Variants in FBXL6 observed in about 807,000 individuals in gnomAD.
FBXL6 encodes the protein F-box and leucine rich repeat protein 6, also known as F-box/LRR-repeat protein 6.
In FBXL6, 50 loss-of-function variants were observed where a neutral mutation model predicts 53.3. The observed-to-expected ratio is 0.94, with a 90% CI of 0.75 to 1.19. The LOEUF (loss-of-function observed/expected upper bound fraction) is 1.19, where lower values mean the gene tolerates loss of function less well. Ranked by LOEUF, FBXL6 falls within the 50% of genes most tolerant of loss-of-function variation. The pLI, the probability that FBXL6 is intolerant of heterozygous loss-of-function variation, is 0.00. For synonymous variants in FBXL6, 405 were observed against 322.9 expected, an observed-to-expected ratio of 1.25 and a Z score of -2.73; for missense variants, 815 against 719.0, an observed-to-expected ratio of 1.13 and a Z score of -1.53.
intron 8 of FBXL6, 35 bp downstream of exon 8, chr8:144,355,933 C>A: frequency 6.2e-7 from 1 of 1,607,198 alleles, no homozygotes; most frequent in East Asian, 2.2e-5. Flanking sequence ...GTGACAGCCA[C>A]ACTGGCTCCA....
At chr8:144,355,707 G>A (rs1554852601) in intron 8 of FBXL6, 29 bp from the exon 9 acceptor site, 2 of 1,607,528 alleles carry the variant, frequency 1.2e-6, no homozygotes, top group Non-Finnish European at 1.7e-6. Flanking sequence ...ACAGGAAGTT[G>A]AGCTGTTGCC....
intron 3 of FBXL6, 111 bp downstream of exon 3, chr8:144,357,328 G>A: frequency 7.7e-7 from 1 of 1,301,368 alleles, no homozygotes. Flanking sequence ...CAGGCAGGCA[G>A]ACATCCCCAC....
At position 144,356,637 on chromosome 8, in the gene FBXL6, G is replaced by A. The variant is rs144091239; in HGVS notation, c.956C>T (p.Pro319Leu). ...INRNSIPLQL[P>L]VEALQKGCPQ... ...GCAGCCTTTCTGCAGAGCCTCGACA[G>A]GCAGCTGAAGGGGAATGCTATTACG... The change falls in exon 6 of 9, where the codon CCT becomes CTT. Residue 319 changes from proline to leucine, a missense_variant. Transcript: ENST00000331890. 11 of 1,612,952 alleles carry A rather than the reference G, an allele frequency of 6.8e-6. No homozygotes were observed. The highest frequency in any genetic ancestry group is 1.3e-5 in the African/African-American group (1 of 74,918).
chr8:144,357,809 G>C, intron 1 of FBXL6, 23 bp from the exon 2 acceptor site: 2 of 1,501,794 alleles, frequency 1.3e-6, no homozygotes, highest in Non-Finnish European at 1.8e-6. Context: ...CGTGCTGAGG[G>C]TGCCGGCCCC....
At chr8:144,355,874 G>T (rs1055579892) in intron 8 of FBXL6, 94 bp downstream of exon 8, 3 of 1,571,386 alleles carry the variant, frequency 1.9e-6, no homozygotes. Context: ...CTGACCCCTG[G>T]AGGTCTCAGG....
chr8:144,357,106 A>G lies in FBXL6; in HGVS notation c.655T>C (p.Cys219Arg), dbSNP rs782189197. The change falls in exon 4 of 9, where the codon TGT becomes CGT. Residue 219 changes from cysteine (C) to arginine (R), a missense_variant. By Grantham distance (180) the Cys-to-Arg change is radical (BLOSUM62 -3). Coordinates refer to ENST00000331890, the MANE Select transcript of FBXL6 (RefSeq NM_012162.4). ...HPVLKLVGECCPRLTFLKLSG... is the reference protein window; with the variant it reads ...HPVLKLVGECRPRLTFLKLSG... ...AGCTTGAGGAAAGTGAGCCGAGGAC[A>G]GCACTCACCTACCAGCTGCGGGGAG... is the stretch of plus-strand genomic sequence containing the variant. The G allele has an allele frequency of 1.9e-6, 3 of 1,612,920 alleles. No individual in the cohort carries two copies. The highest frequency in any genetic ancestry group is 2.2e-5 in the South Asian group (2 of 91,080).
Position 144,358,042 on chromosome 8 carries a change from AGGGCATGG to A in FBXL6, c.398_405del (p.Pro133LeufsTer82). ...CGGCACCAGCGTTACCTGCCCAGGA[AGGGCATGG>A]GGCCGTCCGCCGCCACCAACAACCC... On this transcript the variant is annotated frameshift_variant, in exon 1 of 9. Transcript: ENST00000331890. LOFTEE classifies it high-confidence loss of function. 6.3e-7 allele frequency: 1 copy of A among 1,595,438 alleles called. No individual in the cohort carries two copies. Among genetic ancestry groups the A allele is most frequent in the Non-Finnish European group, 8.5e-7 (1 of 1,175,276 alleles).
rs530145500 is a variant in FBXL6 at position 144,357,221 on chromosome 8, T to G, written c.640-100A>C. On this transcript the variant is annotated intron_variant, in intron 3 of 8. Coordinates refer to ENST00000331890, the MANE Select transcript of FBXL6 (RefSeq NM_012162.4). ...TGGTGCCAACCCCACTCTACCGCCT[T>G]AGCTGTGACCTCCTTTCTGCCCATG... The G allele has an allele frequency of 4.7e-5, 71 of 1,502,110 alleles. No homozygotes were observed. In the African/African-American group the frequency reaches 6.9e-4, roughly 15 times the overall value. The allele number at this position is 1,502,110 out of a possible 1,614,324, so 93.0% of individuals were successfully genotyped here.
Position 144,355,618 on chromosome 8 carries a change from A to C in FBXL6, c.1533T>G (p.Leu511=). The change falls in exon 9 of 9, where the codon CTT becomes CTG. Residue 511 remains leucine, a synonymous_variant. Coordinates refer to ENST00000331890, the MANE Select transcript of FBXL6 (RefSeq NM_012162.4). ...GGTAGGCCCGCTTCAGACCCCGGGG[A>C]AGGCAGCGGCAGGACTCCAGGTTGA... The part of the protein sequence containing the change: ...LYLNLESCRC[L]PRGLKRAYRG... 6.2e-7 allele frequency: 1 copy of C among 1,611,194 alleles called. No homozygotes were observed. The highest frequency in any genetic ancestry group is 8.5e-7 in the Non-Finnish European group (1 of 1,179,932).
rs372489575 is a variant in FBXL6 at position 144,356,792 on chromosome 8, A to T, written c.879+16T>A. On this transcript the variant is annotated intron_variant, in intron 5 of 8. Coordinates refer to ENST00000331890, the MANE Select transcript of FBXL6 (RefSeq NM_012162.4). ...CAGCTCAGCATCTGCCTCTGCTCCCACCAATGCCAACTTACCAGCAGTGCG... is the reference window on the plus strand; with the variant it reads ...CAGCTCAGCATCTGCCTCTGCTCCCTCCAATGCCAACTTACCAGCAGTGCG... 5.0e-6 allele frequency: 8 copies of T among 1,613,094 alleles called. No individual in the cohort carries two copies. Among genetic ancestry groups the T allele is most frequent in the Non-Finnish European group, 5.9e-6 (7 of 1,179,916 alleles).
Position 144,358,463 on chromosome 8 carries a change from T to C in FBXL6, c.-16A>G. 1 of 1,236,610 alleles carries C rather than the reference T, an allele frequency of 8.1e-7. No homozygotes were observed. Among genetic ancestry groups the C allele is most frequent in the Non-Finnish European group, 1.0e-6 (1 of 990,294 alleles). The allele number at this position is 1,236,610 out of a possible 1,614,324, so 76.6% of individuals were successfully genotyped here. On this transcript the variant is annotated 5_prime_UTR_variant, in exon 1 of 9. Transcript: ENST00000331890. ...GGGCAGCCATGACCACCGACGGCGC[T>C]CGGGGAAGCCCCAGGGAGCGGAACG... is the stretch of plus-strand genomic sequence containing the variant.
chr8:144,357,824 T>C (rs1554853287), intron 1 of FBXL6, 38 bp from the exon 2 acceptor site: 6 of 1,469,654 alleles, frequency 4.1e-6, no homozygotes, highest in Non-Finnish European at 5.4e-6. Flanking sequence ...GGCCCCTCCG[T>C]AGGCGATGCC....
chr8:144,357,188 C>G, intron 3 of FBXL6, 67 bp from the exon 4 acceptor site: 6 of 1,597,896 alleles, frequency 3.8e-6, no homozygotes, highest in African/African-American at 1.3e-5. Context: ...GGGAAACAGA[C>G]AAGTGGCTGG....
intron 1 of FBXL6, 72 bp downstream of exon 1, chr8:144,357,960 G>C: frequency 6.7e-7 from 1 of 1,488,404 alleles, no homozygotes; most frequent in Non-Finnish European, 8.9e-7. Flanking sequence ...CTCCGCCCCC[G>C]CCCGGGCCAC....
At chr8:144,357,843 G>A (rs1183518982) in intron 1 of FBXL6, 57 bp from the exon 2 acceptor site, 1 of 1,454,788 alleles carries the variant, frequency 6.9e-7, no homozygotes, top group Non-Finnish European at 9.0e-7. Context: ...CCCCCCTCTC[G>A]CAGCGCAGTA....
rs1818362522 is a variant in FBXL6 at position 144,355,589 on chromosome 8, C to A, written c.1562G>T (p.Gly521Val). ...CAGACACCACTGGACTTCCTCCAGG[C>A]CCCGGTAGGCCCGCTTCAGACCCCG... ...LPRGLKRAYR[G>V]LEEVQWCLEQ... is the part of the protein sequence containing the mutation. The change falls in exon 9 of 9, where the codon GGC (glycine) becomes GTC (valine). Residue 521 changes from glycine to valine, a missense_variant. Transcript: ENST00000331890. 3.1e-6 allele frequency: 5 copies of A among 1,611,296 alleles called. No individual in the cohort carries two copies. The highest frequency in any genetic ancestry group is 4.2e-6 in the Non-Finnish European group (5 of 1,179,948).
rs782758799 is a variant in FBXL6, at chr8:144,357,667, T to C, written c.536A>G (p.Lys179Arg). 8 of 1,610,854 alleles carry C rather than the reference T, an allele frequency of 5.0e-6. No homozygotes were observed. The South Asian group carries it at 8.8e-5, about 18-fold the overall frequency. The change falls in exon 2 of 9, where the codon AAG (lysine) becomes AGG (arginine). Residue 179 changes from lysine to arginine, a missense_variant. Lys to Arg is a conservative substitution (Grantham distance 26). Coordinates refer to ENST00000331890, the MANE Select transcript of FBXL6 (RefSeq NM_012162.4). ...RPAKGGVKAE[K>R]KLLASLEWLM... ...CCACTCCAGGGAAGCAAGGAGCTTC[T>C]TCTCCGCCTTGACCCCGCCCTTGGC...
Position 144,356,012 on chromosome 8 carries a change from G to T in FBXL6, c.1428C>A (p.Cys476Ter), listed in dbSNP as rs953260847. Residue 476 changes from cysteine (C) to a stop codon, truncating the protein, a stop_gained, in exon 8 of 9, where the codon TGC (cysteine) becomes TGA (stop). Coordinates refer to ENST00000331890, the MANE Select transcript of FBXL6 (RefSeq NM_012162.4). LOFTEE classifies it high-confidence loss of function. ...CCCGGGTGCCCCTGAGGTTAAGAGA[G>T]CACAGGGCTGGGTGTGAGCCCCCAG... is the stretch of plus-strand genomic sequence containing the variant. ...STPGGSHPAL[C>*]SLNLRGTRVT... 1 of 1,613,020 alleles carries T rather than the reference G, an allele frequency of 6.2e-7. No homozygotes were observed. The highest frequency in any genetic ancestry group is 1.1e-5 in the South Asian group (1 of 91,094).
chr8:144,356,800 C>A lies in FBXL6; in HGVS notation c.879+8G>T, dbSNP rs186501318. 5 of 1,613,306 alleles carry A rather than the reference C, an allele frequency of 3.1e-6. No individual in the cohort carries two copies. In the East Asian group the frequency reaches 1.1e-4, roughly 36 times the overall value. On this transcript the variant is annotated splice_region_variant and intron_variant, in intron 5 of 8. Transcript: ENST00000331890. ...CATCTGCCTCTGCTCCCACCAATGC[C>A]AACTTACCAGCAGTGCGCCCAGGAT...
Sources: gnomAD v4.1 joint callset for allele counts on GRCh38, gnomAD v4.1.1 for gene constraint, MANE v1.5 for transcripts, NCBI Gene and HGNC (gene_info 2026-07-23, HGNC 2026-07-21) for gene names.